The following SAMD5 variants were observed in gnomAD, a reference collection of about 807,000 sequenced individuals.
The protein encoded by SAMD5 is sterile alpha motif domain containing 5.
Under a neutral mutation model 11.3 loss-of-function variants are expected in SAMD5, and 13 were observed. That is an observed-to-expected ratio of 1.15 (90% CI 0.75 to 1.83). SAMD5 has a LOEUF of 1.83. Among genes scored for constraint, SAMD5 ranks in the 40% most tolerant of loss-of-function variants. SAMD5 has a pLI of 0.00. For missense variants in SAMD5, 255 were observed against 239.1 expected (o/e 1.07, Z -0.44); for synonymous variants, 129 against 111.3 (o/e 1.16, Z -1.00).
At chr6:147,793,534 C>A in the SAMD5 span, among the ~76,000 whole-genome samples, 5 of 152,044 alleles carry the variant, frequency 3.3e-5, no homozygotes, top group African/African-American at 1.2e-4. Context: ...TATTTAAATA[C>A]ACATATAGCC....
the SAMD5 span, among the ~76,000 whole-genome samples, chr6:147,920,541 C>G: frequency 6.6e-6 from 1 of 152,140 alleles, no homozygotes; most frequent in Non-Finnish European, 1.5e-5. Context: ...TAATAAACTC[C>G]CCTTCAAATA....
the SAMD5 span, among the ~76,000 whole-genome samples, chr6:147,884,074 T>C: frequency 1.3e-5 from 2 of 152,236 alleles, no homozygotes; most frequent in Admixed American, 6.5e-5. Context: ...GGTTTTGTTT[T>C]TGTTTTTGTT....
At chr6:147,535,766 A>G (rs1788499217) in intron 1 of SAMD5, among the ~76,000 whole-genome samples, 1 of 152,198 alleles carries the variant, frequency 6.6e-6, no homozygotes, top group Non-Finnish European at 1.5e-5. Context: ...CGAGTTGGGC[A>G]AATTCCTTTT....
At chr6:147,717,366 T>A (rs1791483606) in intron 1 of SAMD5, among the ~76,000 whole-genome samples, 1 of 152,232 alleles carries the variant, frequency 6.6e-6, no homozygotes, top group African/African-American at 2.4e-5. Flanking sequence ...TGGACAGTTC[T>A]GATTTTTCAT....
At chr6:147,845,213 T>C in the SAMD5 span, among the ~76,000 whole-genome samples, 3 of 143,562 alleles carry the variant, frequency 2.1e-5, no homozygotes, top group African/African-American at 3.0e-5. Flanking sequence ...TAAAAAAAAA[T>C]TGAACCTTGC....
the SAMD5 span, among the ~76,000 whole-genome samples, chr6:147,877,945 A>AGGTTTTTTTTTCTTTTTGAGACAGAGTCT: frequency 1.9e-4 from 13 of 67,748 alleles, no homozygotes; most frequent in Middle Eastern, 6.4e-3. Flanking sequence ...ATAGATAGAT[A>AGGTTTTTTTTTCTTTTTGAGACAGAGTCT]GACTCTGTCA....
chr6:147,787,716 G>A, the SAMD5 span, among the ~76,000 whole-genome samples: 3 of 150,480 alleles, frequency 2.0e-5, no homozygotes, highest in African/African-American at 7.2e-5. Context: ...TCTTGCTTCT[G>A]TGTGATGCAA....
At chr6:147,517,267 G>C (rs899103394) in intron 1 of SAMD5, among the ~76,000 whole-genome samples, 11 of 152,220 alleles carry the variant, frequency 7.2e-5, no homozygotes, top group African/African-American at 1.9e-4. Context: ...AAGCTGTATT[G>C]CTGGCCTTCC....
At chr6:147,820,038 T>C in the SAMD5 span, among the ~76,000 whole-genome samples, 1 of 152,088 alleles carries the variant, frequency 6.6e-6, no homozygotes. Flanking sequence ...ATTTCCAAAG[T>C]CTATGGGAGG....
intron 1 of SAMD5, among the ~76,000 whole-genome samples, chr6:147,546,422 T>C (rs1211249109): frequency 6.6e-6 from 1 of 151,480 alleles, no homozygotes; most frequent in African/African-American, 2.4e-5. Context: ...CTCAGCTACT[T>C]GGGAGGCTGA....
chr6:147,747,210 T>C, the SAMD5 span, among the ~76,000 whole-genome samples: 1 of 152,072 alleles, frequency 6.6e-6, no homozygotes, highest in Non-Finnish European at 1.5e-5. Context: ...GAAAAAGAGG[T>C]GTTTCCTTAT....
At chr6:147,515,574 A>G (rs949537760) in intron 1 of SAMD5, among the ~76,000 whole-genome samples, 1 of 151,844 alleles carries the variant, frequency 6.6e-6, no homozygotes, top group Non-Finnish European at 1.5e-5. Context: ...CCATTCATCT[A>G]TCCTTCCATT....
At chr6:147,650,740 C>A (rs1790471808) in intron 1 of SAMD5, among the ~76,000 whole-genome samples, 1 of 152,128 alleles carries the variant, frequency 6.6e-6, no homozygotes, top group Non-Finnish European at 1.5e-5. Flanking sequence ...AGAAACAGAA[C>A]TTTCAGGGAG....
the SAMD5 span, among the ~76,000 whole-genome samples, chr6:147,844,681 A>C: frequency 6.7e-6 from 1 of 149,824 alleles, no homozygotes; most frequent in Non-Finnish European, 1.5e-5. Flanking sequence ...AAAAAAAAAA[A>C]CAGGAAATTC....
chr6:147,929,770 A>T, the SAMD5 span, among the ~76,000 whole-genome samples: 1 of 152,184 alleles, frequency 6.6e-6, no homozygotes, highest in Non-Finnish European at 1.5e-5. Context: ...AATCTTGGTA[A>T]CATTGGGGGG....
intron 1 of SAMD5, among the ~76,000 whole-genome samples, chr6:147,518,867 A>G (rs1248010290): frequency 6.6e-6 from 1 of 152,226 alleles, no homozygotes. Flanking sequence ...GAGGCCTGAG[A>G]GTAGTGAGGG....
the SAMD5 span, among the ~76,000 whole-genome samples, chr6:147,900,176 G>A: frequency 6.6e-6 from 1 of 152,176 alleles, no homozygotes; most frequent in Non-Finnish European, 1.5e-5. Flanking sequence ...TGTAACAGCT[G>A]TAGAGCAAGT....
At chr6:147,936,214 A>T in the SAMD5 span, among the ~76,000 whole-genome samples, 3 of 152,312 alleles carry the variant, frequency 2.0e-5, no homozygotes, top group African/African-American at 4.8e-5. Context: ...CCCTGGTCTG[A>T]CTATTACCCT....
chr6:147,770,709 C>A, the SAMD5 span, among the ~76,000 whole-genome samples: 1 of 152,046 alleles, frequency 6.6e-6, no homozygotes, highest in Non-Finnish European at 1.5e-5. Context: ...AGATGATTTG[C>A]TTTTTATTTT....
Sources: gnomAD v4.1 joint callset for allele counts (sites outside exome capture counted in the v4.1 genomes callset) on GRCh38, gnomAD v4.1.1 for gene constraint, MANE v1.5 for transcripts, NCBI Gene and HGNC (gene_info 2026-07-23, HGNC 2026-07-21) for gene names.